Variants in ERBB4 observed in about 807,000 individuals in gnomAD.
The protein encoded by ERBB4 is receptor tyrosine-protein kinase erbB-4.
In ERBB4, 42 loss-of-function variants were observed where a neutral mutation model predicts 158.0. The ratio of observed to expected loss-of-function variants is 0.27; its 90% CI spans 0.21 to 0.34. The LOEUF is 0.34. Ranked by LOEUF, ERBB4 falls within the 10% of genes least tolerant of loss-of-function variation. The pLI, the probability that ERBB4 is intolerant of heterozygous loss-of-function variation, is 1.00. For missense variants in ERBB4, 1,333 were observed against 1,624.1 expected (o/e 0.82, Z 3.08); for synonymous variants, 583 against 558.7 (o/e 1.04, Z -0.61).
chr2:212,246,914 G>A (rs540537157), intron 1 of ERBB4, among the ~76,000 whole-genome samples: 24 of 152,042 alleles, frequency 1.6e-4, no homozygotes, highest in Admixed American at 1.4e-3. Flanking sequence ...AGTGTTTTTG[G>A]GAATGCCTTA....
At chr2:212,127,595 A>T (rs1316638149) in intron 1 of ERBB4, among the ~76,000 whole-genome samples, 1 of 152,184 alleles carries the variant, frequency 6.6e-6, no homozygotes, top group Non-Finnish European at 1.5e-5. Context: ...CCATCTCATA[A>T]ATAAATAAAT....
Position 211,722,152 on chromosome 2 carries a change from C to T in ERBB4, c.883+241G>A, listed in dbSNP as rs1006241759. Among the ~76,000 whole-genome samples the T allele has an allele frequency of 5.9e-5, 9 of 152,254 alleles. No individual in the cohort carries two copies. In the South Asian group the frequency reaches 8.3e-4, roughly 14 times the overall value. On this transcript the variant is annotated intron_variant, in intron 7 of 27. Coordinates refer to ENST00000342788, the MANE Select transcript of ERBB4 (RefSeq NM_005235.3). ...CTGGCATTACAGGTGTGAGCCAGTG[C>T]GCCCAGCCACAGTAGGAGTTTTATA...
intron 20 of ERBB4, among the ~76,000 whole-genome samples, chr2:211,454,827 A>G (rs545986173): frequency 9.8e-5 from 15 of 152,334 alleles, no homozygotes; most frequent in African/African-American, 3.6e-4. Context: ...TTAAGCAAAC[A>G]AAGACTGTGG....
chr2:211,837,875 T>G (rs1487201194), intron 3 of ERBB4, among the ~76,000 whole-genome samples: 3 of 151,988 alleles, frequency 2.0e-5, no homozygotes, highest in African/African-American at 7.2e-5. Context: ...GTTATAGAGG[T>G]GAATCAGAAA....
At chr2:212,030,641 T>C (rs12694259) in intron 2 of ERBB4, among the ~76,000 whole-genome samples, 78,371 of 151,858 alleles carry the variant, frequency 0.52, 22,255 homozygotes, top group East Asian at 0.66. Flanking sequence ...ATTACATTTG[T>C]TGAATCCTGC....
intron 1 of ERBB4, among the ~76,000 whole-genome samples, chr2:212,490,823 C>CA (rs1179873908): frequency 1.3e-5 from 2 of 151,716 alleles, no homozygotes; most frequent in East Asian, 3.9e-4. Flanking sequence ...CAAACAGTAA[C>CA]TTTAGCAGTG....
At chr2:212,483,039 A>C (rs1024609787) in intron 1 of ERBB4, among the ~76,000 whole-genome samples, 1 of 147,200 alleles carries the variant, frequency 6.8e-6, no homozygotes, top group Non-Finnish European at 1.5e-5. Context: ...TTGTGAGCAG[A>C]TAGATAGAAC....
At chr2:212,179,749 G>A (rs2081796254) in intron 1 of ERBB4, among the ~76,000 whole-genome samples, 1 of 151,616 alleles carries the variant, frequency 6.6e-6, no homozygotes, top group Non-Finnish European at 1.5e-5. Flanking sequence ...GAGCTAGAAA[G>A]CTCCTCTCCA....
At chr2:212,116,519 T>C (rs542508571) in intron 2 of ERBB4, among the ~76,000 whole-genome samples, 10 of 152,300 alleles carry the variant, frequency 6.6e-5, no homozygotes, top group East Asian at 3.9e-4. Flanking sequence ...ACAATCATAG[T>C]TCTCTGCAGC....
intron 1 of ERBB4, among the ~76,000 whole-genome samples, chr2:212,378,444 T>C (rs879323968): frequency 6.6e-6 from 1 of 151,882 alleles, no homozygotes; most frequent in Non-Finnish European, 1.5e-5. Flanking sequence ...TTAGCAATTA[T>C]TAACAGTGAG....
chr2:211,874,030 T>C (rs1232570820), intron 3 of ERBB4, among the ~76,000 whole-genome samples: 8 of 151,876 alleles, frequency 5.3e-5, no homozygotes, highest in Admixed American at 6.6e-5. Flanking sequence ...CCAGACATGG[T>C]GGTGTGCACC....
chr2:211,743,877 A>G (rs1332504266), intron 5 of ERBB4, among the ~76,000 whole-genome samples: 1 of 152,152 alleles, frequency 6.6e-6, no homozygotes, highest in East Asian at 1.9e-4. Context: ...CATAAGTTCT[A>G]TTTTGACCCT....
At chr2:212,228,161 C>T (rs188448725) in intron 1 of ERBB4, among the ~76,000 whole-genome samples, 6 of 152,230 alleles carry the variant, frequency 3.9e-5, no homozygotes, top group Non-Finnish European at 8.8e-5. Flanking sequence ...CTAGAAAGCA[C>T]CATAAAGATT....
chr2:211,547,755 T>C (rs1317795897), intron 20 of ERBB4, among the ~76,000 whole-genome samples: 2 of 151,872 alleles, frequency 1.3e-5, no homozygotes, highest in African/African-American at 2.4e-5. Context: ...GCTTTCACTT[T>C]TCTGTTAAAA....
intron 5 of ERBB4, among the ~76,000 whole-genome samples, chr2:211,732,541 G>A (rs994199918): frequency 6.6e-6 from 1 of 152,156 alleles, no homozygotes; most frequent in Non-Finnish European, 1.5e-5. Context: ...ATATCATGAA[G>A]TATATACCCC....
At chr2:211,678,859 T>G (rs2072213129) in intron 13 of ERBB4, among the ~76,000 whole-genome samples, 193 bp downstream of exon 13, 2 of 145,090 alleles carry the variant, frequency 1.4e-5, no homozygotes, top group South Asian at 4.4e-4. Context: ...CCCAGCTACT[T>G]GGGAGGCCAA....
At chr2:211,857,159 T>TTG (rs144521308) in intron 3 of ERBB4, among the ~76,000 whole-genome samples, 17,335 of 107,082 alleles carry the variant, frequency 0.16, 1,220 homozygotes, top group Non-Finnish European at 0.22. Flanking sequence ...CTGTGTGTGT[T>TTG]TGTGTGTGTG....
At chr2:211,900,922 T>C (rs1030113373) in intron 3 of ERBB4, among the ~76,000 whole-genome samples, 1 of 152,142 alleles carries the variant, frequency 6.6e-6, no homozygotes, top group African/African-American at 2.4e-5. Flanking sequence ...TATTTCAATA[T>C]CATATATTAG....
At chr2:211,739,190 G>A (rs564437304) in intron 5 of ERBB4, among the ~76,000 whole-genome samples, 1 of 151,736 alleles carries the variant, frequency 6.6e-6, no homozygotes, top group Non-Finnish European at 1.5e-5. Flanking sequence ...TTATTGTAGG[G>A]ATCTAACATT....
Sources: gnomAD v4.1 joint callset for allele counts (sites outside exome capture counted in the v4.1 genomes callset) on GRCh38, gnomAD v4.1.1 for gene constraint, MANE v1.5 for transcripts, NCBI Gene and HGNC (gene_info 2026-07-23, HGNC 2026-07-21) for gene names.